CPNE8: variants seen among roughly 807,000 people sequenced by gnomAD.
CPNE8 encodes copine 8.
CPNE8 carries 45 observed loss-of-function variants against 81.5 expected under a neutral mutation model. That is an observed-to-expected ratio of 0.55 (90% CI 0.44 to 0.71). The LOEUF (loss-of-function observed/expected upper bound fraction) is 0.71. CPNE8 is among the 30% of genes least tolerant of loss of function. The probability of loss-of-function intolerance (pLI) is 0.00; values close to 1 mark genes in which losing one functional copy is unlikely to be tolerated. For missense variants in CPNE8, 594 were observed against 672.1 expected, an observed-to-expected ratio of 0.88 and a Z score of 1.28; for synonymous variants, 252 against 226.3, an observed-to-expected ratio of 1.11 and a Z score of -1.02.
At chr12:38,723,966 G>T (rs1940634881) in intron 12 of CPNE8, 133 bp from the exon 13 acceptor site, 1 of 566,336 alleles carries the variant, frequency 1.8e-6, no homozygotes, top group Non-Finnish European at 3.1e-6. Flanking sequence ...ATTAACATCT[G>T]CTAGGACTGA....
intron 6 of CPNE8, among the ~76,000 whole-genome samples, chr12:38,806,553 C>T (rs917337075): frequency 6.7e-6 from 1 of 149,916 alleles, no homozygotes; most frequent in African/African-American, 2.4e-5. Flanking sequence ...AATTCAACAA[C>T]CCTTCATGCT....
chr12:38,842,821 G>T (rs534593141), intron 4 of CPNE8, among the ~76,000 whole-genome samples: 2 of 151,620 alleles, frequency 1.3e-5, no homozygotes, highest in African/African-American at 4.8e-5. Flanking sequence ...CAAGTAATCC[G>T]CCCCCCTCAG....
intron 19 of CPNE8, among the ~76,000 whole-genome samples, chr12:38,655,713 T>A (rs973835211): frequency 1.3e-5 from 2 of 151,780 alleles, no homozygotes; most frequent in African/African-American, 4.8e-5. Context: ...CCAAGAAAAA[T>A]TTTAAGAAAT....
Position 38,806,785 on chromosome 12 carries a change from T to G in CPNE8, c.407+22594A>C, listed in dbSNP as rs1374380703. 4.0e-5 allele frequency among the ~76,000 whole-genome samples: 6 copies of G among 148,490 alleles called. 2 individuals carry two copies. The highest frequency in any genetic ancestry group is 9.0e-5 in the Non-Finnish European group (6 of 66,818). ...AGGCAGGAGAAGGAAATAAAGGGTA[T>G]TCAATTAGGAAAAGAGGAAGTCAAA... On this transcript the variant is annotated intron_variant, in intron 6 of 19. Coordinates refer to ENST00000331366, the MANE Select transcript of CPNE8 (RefSeq NM_153634.3).
intron 1 of CPNE8, among the ~76,000 whole-genome samples, chr12:38,881,263 G>A (rs534704233): frequency 1.3e-5 from 2 of 151,608 alleles, no homozygotes; most frequent in African/African-American, 2.4e-5. Flanking sequence ...AAAAGCCGAA[G>A]TCAGCTAGCA....
chr12:38,836,969 T>A (rs1943391616), intron 5 of CPNE8, among the ~76,000 whole-genome samples: 1 of 152,178 alleles, frequency 6.6e-6, no homozygotes, highest in African/African-American at 2.4e-5. Flanking sequence ...ATCCTTCACC[T>A]ACTTATAAGC....
intron 6 of CPNE8, among the ~76,000 whole-genome samples, chr12:38,811,370 T>C (rs1238656512): frequency 6.6e-6 from 1 of 152,182 alleles, no homozygotes; most frequent in Non-Finnish European, 1.5e-5. Context: ...GCAAATCTAT[T>C]TGTAATTCAT....
At chr12:38,852,519 T>C (rs1475320357) in intron 3 of CPNE8, among the ~76,000 whole-genome samples, 1 of 151,142 alleles carries the variant, frequency 6.6e-6, no homozygotes, top group Non-Finnish European at 1.5e-5. Context: ...GGAGAATCAC[T>C]TGAACCTAGG....
chr12:38,839,417 A>G (rs1003640269), intron 5 of CPNE8, among the ~76,000 whole-genome samples: 7 of 152,086 alleles, frequency 4.6e-5, no homozygotes, highest in Non-Finnish European at 1.0e-4. Context: ...ACTATAAGTG[A>G]CTTGAGGACA....
At chr12:38,885,258 A>G (rs1445581863) in intron 1 of CPNE8, among the ~76,000 whole-genome samples, 1 of 152,202 alleles carries the variant, frequency 6.6e-6, no homozygotes, top group Non-Finnish European at 1.5e-5. Flanking sequence ...TAAATATACA[A>G]AGCATTCTCT....
chr12:38,740,404 G>A (rs1941069169), intron 10 of CPNE8, among the ~76,000 whole-genome samples: 1 of 152,140 alleles, frequency 6.6e-6, no homozygotes, highest in African/African-American at 2.4e-5. Context: ...CTGCCTGATT[G>A]CCGTGGCCAG....
At chr12:38,709,319 G>A (rs1409871094) in intron 13 of CPNE8, among the ~76,000 whole-genome samples, 1 of 152,182 alleles carries the variant, frequency 6.6e-6, no homozygotes, top group East Asian at 1.9e-4. Context: ...GAATGACAAT[G>A]CAGACAGATG....
intron 13 of CPNE8, among the ~76,000 whole-genome samples, chr12:38,715,025 T>C (rs567055435): frequency 6.6e-6 from 1 of 152,212 alleles, no homozygotes; most frequent in South Asian, 2.1e-4. Flanking sequence ...AATTTCTAAT[T>C]GGATTCACGA....
At chr12:38,845,078 A>G (rs2137050815) in intron 4 of CPNE8, among the ~76,000 whole-genome samples, 1 of 152,176 alleles carries the variant, frequency 6.6e-6, no homozygotes, top group African/African-American at 2.4e-5. Flanking sequence ...CTTGGGAGTC[A>G]CAAACACCTA....
intron 1 of CPNE8, among the ~76,000 whole-genome samples, chr12:38,901,212 T>C (rs916570233): frequency 6.6e-6 from 1 of 152,124 alleles, no homozygotes; most frequent in Non-Finnish European, 1.5e-5. Flanking sequence ...CAGAGTGAGA[T>C]TCCATCTCAA....
Position 38,747,603 on chromosome 12 carries a change from A to G in CPNE8, c.722+13244T>C, listed in dbSNP as rs138089427. 1.9e-3 allele frequency among the ~76,000 whole-genome samples: 291 copies of G among 152,262 alleles called. 2 individuals carry two copies. Among genetic ancestry groups the G allele is most frequent in the African/African-American group, 6.8e-3 (282 of 41,554 alleles). The stretch of plus-strand genomic sequence containing the variant: ...TTTTCCATGTATATATTTTAAGAAA[A>G]TATTCTAGATACACTGTATAAAGCT... On this transcript the variant is annotated intron_variant, in intron 10 of 19. Transcript: ENST00000331366.
intron 13 of CPNE8, among the ~76,000 whole-genome samples, chr12:38,708,212 A>G (rs1404015790): frequency 6.6e-6 from 1 of 152,202 alleles, no homozygotes; most frequent in African/African-American, 2.4e-5. Context: ...TAGCAATACT[A>G]TAACCTCAAG....
intron 13 of CPNE8, among the ~76,000 whole-genome samples, chr12:38,708,383 A>G (rs1940166736): frequency 6.6e-6 from 1 of 151,992 alleles, no homozygotes; most frequent in Admixed American, 6.6e-5. Context: ...AAGTAAAAAA[A>G]AAATCCAAAT....
intron 7 of CPNE8, among the ~76,000 whole-genome samples, chr12:38,768,464 GT>G (rs1941734895): frequency 6.6e-6 from 1 of 152,072 alleles, no homozygotes; most frequent in African/African-American, 2.4e-5. Flanking sequence ...AAAATGTATT[GT>G]TATTTAAAAT....
Sources: allele counts gnomAD v4.1 joint callset (sites outside exome capture counted in the v4.1 genomes callset), GRCh38; gene constraint gnomAD v4.1.1; transcripts MANE v1.5; gene names NCBI Gene and HGNC (gene_info 2026-07-23, HGNC 2026-07-21).